The following PRKAR1B variants were observed in gnomAD, a reference collection of about 807,000 sequenced individuals.
The protein encoded by PRKAR1B is cAMP-dependent protein kinase type I-beta regulatory subunit.
PRKAR1B carries 22 observed loss-of-function variants against 46.5 expected under a neutral mutation model. That is an observed-to-expected ratio of 0.47 (90% CI 0.34 to 0.68). The LOEUF is 0.68. Among genes scored for constraint, PRKAR1B ranks in the 30% least tolerant of loss-of-function variants. The pLI, the probability that PRKAR1B is intolerant of heterozygous loss-of-function variation, is 0.01. For missense variants in PRKAR1B, 445 were observed against 535.6 expected (o/e 0.83, Z 1.67); for synonymous variants, 259 against 217.7 (o/e 1.19, Z -1.67).
intron 4 of PRKAR1B, among the ~76,000 whole-genome samples, chr7:669,915 G>T (rs1786138671): frequency 7.0e-6 from 1 of 142,012 alleles, no homozygotes; most frequent in Non-Finnish European, 1.5e-5. Context: ...GCCCAGGCTG[G>T]AGTGCAGTGG....
chr7:563,675 G>A (rs888006650), intron 9 of PRKAR1B, among the ~76,000 whole-genome samples: 6 of 152,196 alleles, frequency 3.9e-5, no homozygotes, highest in East Asian at 1.9e-4. Flanking sequence ...ATGTGTGCAC[G>A]TGTGCATACA....
chr7:635,931 A>ACCGCGCCCTCACGTCCTCCACTAG (rs1784028541), intron 4 of PRKAR1B, among the ~76,000 whole-genome samples: 1 of 150,652 alleles, frequency 6.6e-6, no homozygotes, highest in African/African-American at 2.4e-5. Context: ...AAGTACCAGC[A>ACCGCGCCCTCACGTCCTCCACTAG]CCGCGCCCAC....
rs1270940464 is a variant in PRKAR1B at position 677,315 on chromosome 7, A to T, written c.354T>A (p.Ile118=). Residue 118 remains isoleucine, a synonymous_variant, in exon 4 of 11, where the codon ATT becomes ATA. Coordinates refer to ENST00000537384, the MANE Select transcript of PRKAR1B (RefSeq NM_001164760.2). ...CAGTCATGGTTTTGTAGTCCTTGGG[A>T]ATCACCTGAAGCGGAGCCAACACAT... ...EDAVSYVRKV[I]PKDYKTMTAL... 6.2e-7 allele frequency: 1 copy of T among 1,614,124 alleles called. No individual in the cohort carries two copies. The highest frequency in any genetic ancestry group is 8.5e-7 in the Non-Finnish European group (1 of 1,180,028).
intron 5 of PRKAR1B, among the ~76,000 whole-genome samples, chr7:606,727 C>T (rs1356025468): frequency 6.6e-6 from 1 of 151,694 alleles, no homozygotes; most frequent in Admixed American, 6.6e-5. Flanking sequence ...GGATTACAGG[C>T]GTGAGCCACC....
chr7:585,455 C>T (rs1359783321), intron 7 of PRKAR1B, among the ~76,000 whole-genome samples: 1 of 152,218 alleles, frequency 6.6e-6, no homozygotes, highest in East Asian at 1.9e-4. Context: ...GCAAGCTCGA[C>T]TTTGCTAAAA....
chr7:706,647 G>T lies in PRKAR1B; in HGVS notation c.177+4682C>A, dbSNP rs909859160. Among the ~76,000 whole-genome samples, 3 of 141,960 alleles carry T rather than the reference G, an allele frequency of 2.1e-5. No individual in the cohort carries two copies. The East Asian group carries it at 6.2e-4, about 30-fold the overall frequency. 93.1% of individuals were successfully genotyped at this position (141,960 alleles called of 152,430 possible). A position where few individuals can be genotyped will look rare whatever the true frequency, so the allele number is the denominator to read the frequency against. On this transcript the variant is annotated intron_variant, in intron 2 of 10. Coordinates refer to ENST00000537384, the MANE Select transcript of PRKAR1B (RefSeq NM_001164760.2). ...TCACTGTGTTAGCCAGAATGGTCTCGATCTCCTGACCTCGTGATCCGCCCG... is the reference window on the plus strand; with the variant it reads ...TCACTGTGTTAGCCAGAATGGTCTCTATCTCCTGACCTCGTGATCCGCCCG...
intron 1 of PRKAR1B, among the ~76,000 whole-genome samples, chr7:717,840 C>G (rs74316290): frequency 0.021 from 3,142 of 152,270 alleles, 53 homozygotes; most frequent in East Asian, 0.11. Context: ...CCTCCCAGTG[C>G]TCATGGCTTG....
rs144462255 is a variant in PRKAR1B, at chr7:680,620, C to T, written c.284G>A (p.Arg95His). 34 of 1,588,526 alleles carry T rather than the reference C, an allele frequency of 2.1e-5. No individual in the cohort carries two copies. The East Asian group carries it at 3.7e-4, about 17-fold the overall frequency. The change falls in exon 3 of 11, where the codon CGC becomes CAC. Residue 95 changes from arginine (R) to histidine (H), a missense_variant. This residue lies in a region of PRKAR1B where 155 missense variants were observed against 127.5 expected (regional missense o/e 1.22). Transcript: ENST00000537384. ...CTCGGCACTCACGCCTCCTCGCCGG[C>T]GGCGGGCCTTCACCACAGGGTTCGG... The part of the protein sequence containing the change: ...TPPNPVVKAR[R>H]RRGGVSAEVY...
intron 7 of PRKAR1B, among the ~76,000 whole-genome samples, chr7:591,482 G>A (rs962473172): frequency 4.6e-5 from 7 of 152,208 alleles, no homozygotes; most frequent in Non-Finnish European, 7.3e-5. Context: ...CGGGGGGCAC[G>A]GGGCCTGGGT....
chr7:597,595 G>A (rs1781339019), intron 6 of PRKAR1B, among the ~76,000 whole-genome samples: 1 of 152,240 alleles, frequency 6.6e-6, no homozygotes, highest in Admixed American at 6.5e-5. Flanking sequence ...CGCGCGTGCA[G>A]GGATACGTGG....
At chr7:646,648 C>T (rs1436469995) in intron 4 of PRKAR1B, among the ~76,000 whole-genome samples, 1 of 152,228 alleles carries the variant, frequency 6.6e-6, no homozygotes, top group African/African-American at 2.4e-5. Context: ...TTAGAAATGG[C>T]TTCACGCTTC....
At chr7:701,013 C>T (rs182248720) in intron 2 of PRKAR1B, among the ~76,000 whole-genome samples, 43 of 152,126 alleles carry the variant, frequency 2.8e-4, no homozygotes, top group Middle Eastern at 6.8e-3. Context: ...CATGGCTGAA[C>T]CCCATCTCTA....
In PRKAR1B at chr7:711,466, T is replaced by C. The variant is rs1287831986; in HGVS notation, c.40A>G (p.Ser14Gly). Residue 14 changes from serine (S) to glycine (G), a missense_variant, in exon 2 of 11, where the codon AGC becomes GGC. Transcript: ENST00000537384. ...PPACPSEEDE[S>G]LKGCELYVQL... ...ACGTACAGCTCACAGCCCTTCAGGCTCTCGTCCTCCTCCGAGGGGCAGGCG... is the reference window on the plus strand; with the variant it reads ...ACGTACAGCTCACAGCCCTTCAGGCCCTCGTCCTCCTCCGAGGGGCAGGCG... The C allele has an allele frequency of 3.7e-6, 6 of 1,614,062 alleles. No individual in the cohort carries two copies. Among genetic ancestry groups the C allele is most frequent in the Non-Finnish European group, 5.1e-6 (6 of 1,179,976 alleles).
intron 9 of PRKAR1B, among the ~76,000 whole-genome samples, chr7:555,836 A>C (rs1326381019): frequency 6.6e-6 from 1 of 152,164 alleles, no homozygotes; most frequent in East Asian, 1.9e-4. Context: ...CACCTGGCTC[A>C]CAGGCCCTGT....
At chr7:684,097 TCCA>T (rs1227031654) in intron 2 of PRKAR1B, among the ~76,000 whole-genome samples, 1 of 150,762 alleles carries the variant, frequency 6.6e-6, no homozygotes, top group Non-Finnish European at 1.5e-5. Context: ...AATGCCCACC[TCCA>T]CGTGCACCAA....
intron 4 of PRKAR1B, among the ~76,000 whole-genome samples, chr7:633,052 G>A (rs751596968): frequency 3.3e-5 from 5 of 152,234 alleles, no homozygotes; most frequent in Non-Finnish European, 5.9e-5. Context: ...TCGTGCCGAC[G>A]CCATGCGTGT....
At position 598,856 on chromosome 7, in the gene PRKAR1B, C is replaced by T. The variant is rs566545983; in HGVS notation, c.550-2552G>A. ...CTTCAGGGAATGAGGACACCACCCC[C>T]TCGAATGGCTGCCCAGGCAAGTGGC... On this transcript the variant is annotated intron_variant, in intron 6 of 10. Transcript: ENST00000537384. Among the ~76,000 whole-genome samples the T allele has an allele frequency of 1.4e-4, 22 of 152,372 alleles. No homozygotes were observed. The South Asian group carries it at 2.5e-3, about 17-fold the overall frequency.
intron 4 of PRKAR1B, among the ~76,000 whole-genome samples, chr7:640,985 ACT>A (rs1304087016): frequency 6.6e-6 from 1 of 151,358 alleles, no homozygotes; most frequent in Non-Finnish European, 1.5e-5. Flanking sequence ...TTTGAGTCTC[ACT>A]CTGTCGCCCA....
Position 555,691 on chromosome 7 carries a change from T to C in PRKAR1B, c.892-4221A>G, listed in dbSNP as rs897033477. On this transcript the variant is annotated intron_variant, in intron 9 of 10. Coordinates refer to ENST00000537384, the MANE Select transcript of PRKAR1B (RefSeq NM_001164760.2). ...GCATGTTGTGGGGGGCATGAATTTCTCCACTTCGCAGATGGAAGCCCAGAG... is the reference window on the plus strand; with the variant it reads ...GCATGTTGTGGGGGGCATGAATTTCCCCACTTCGCAGATGGAAGCCCAGAG... 5.3e-5 allele frequency among the ~76,000 whole-genome samples: 8 copies of C among 152,108 alleles called. No homozygotes were observed. In the East Asian group the frequency reaches 1.5e-3, roughly 29 times the overall value.
Sources: allele counts gnomAD v4.1 joint callset (sites outside exome capture counted in the v4.1 genomes callset), GRCh38; gene constraint gnomAD v4.1.1; regional missense constraint gnomAD v4.1.1; transcripts MANE v1.5; gene names NCBI Gene and HGNC (gene_info 2026-07-23, HGNC 2026-07-21).